CLEC16A: variants seen among roughly 807,000 people sequenced by gnomAD.
CLEC16A encodes the protein protein CLEC16A.
Under a neutral mutation model 109.5 loss-of-function variants are expected in CLEC16A, and 51 were observed. The ratio of observed to expected loss-of-function variants is 0.47; its 90% CI spans 0.37 to 0.59. CLEC16A has a LOEUF of 0.59. Among genes scored for constraint, CLEC16A ranks in the 20% least tolerant of loss-of-function variants. The pLI is 0.00. For missense variants in CLEC16A, 1,339 were observed against 1,394.0 expected (o/e 0.96, Z 0.63); for synonymous variants, 673 against 564.2 (o/e 1.19, Z -2.73).
intron 23 of CLEC16A, among the ~76,000 whole-genome samples, chr16:11,170,220 A>C (rs1301187068): frequency 6.6e-6 from 1 of 152,184 alleles, no homozygotes; most frequent in Non-Finnish European, 1.5e-5. Flanking sequence ...CTAGGGCCCA[A>C]GTGAAAAGTC....
At chr16:11,126,830 G>A (rs1189714430) in intron 22 of CLEC16A, 3 of 152,334 alleles carry the variant, frequency 2.0e-5, no homozygotes, top group African/African-American at 4.8e-5. Context: ...AAAGTTTAGA[G>A]CGCTGGCCAA....
In CLEC16A at chr16:11,073,566, G is replaced by A. The variant is rs79848180; in HGVS notation, c.2116+12544G>A. ...TTGTAAACTCTCAGATCCTCGCAGT[G>A]CAGCGGCCCAAGCTACCCACGACAC... is the stretch of plus-strand genomic sequence containing the variant. On this transcript the variant is annotated intron_variant, in intron 19 of 23. Coordinates refer to ENST00000409790, the MANE Select transcript of CLEC16A (RefSeq NM_015226.3). 4.1e-4 allele frequency among the ~76,000 whole-genome samples: 62 copies of A among 152,210 alleles called. 3 individuals carry two copies. The East Asian group carries it at 0.011, about 28-fold the overall frequency.
chr16:11,123,645 T>G, intron 20 of CLEC16A, 97 bp from the exon 21 acceptor site: 1 of 1,153,730 alleles, frequency 8.7e-7, no homozygotes, highest in Non-Finnish European at 1.3e-6. Context: ...GAGATGAATT[T>G]GGAGACCTCT....
chr16:11,106,387 C>T (rs1350328255), intron 19 of CLEC16A, among the ~76,000 whole-genome samples: 1 of 151,682 alleles, frequency 6.6e-6, no homozygotes, highest in South Asian at 2.1e-4. Context: ...CTCCTGGGCC[C>T]GAGTGAGCTT....
At chr16:10,991,288 G>T (rs1246476065) in intron 10 of CLEC16A, among the ~76,000 whole-genome samples, 1 of 151,992 alleles carries the variant, frequency 6.6e-6, no homozygotes, top group African/African-American at 2.4e-5. Context: ...GGAAGCAAGA[G>T]AGTGAGTCAT....
At chr16:11,157,172 G>T in intron 22 of CLEC16A, 11 of 1,266,434 alleles carry the variant, frequency 8.7e-6, no homozygotes, top group Non-Finnish European at 1.1e-5. Context: ...ATTTTTGTAT[G>T]TTGGACATGT....
At chr16:11,065,350 C>G (rs2048704000) in intron 19 of CLEC16A, among the ~76,000 whole-genome samples, 1 of 152,308 alleles carries the variant, frequency 6.6e-6, no homozygotes, top group Non-Finnish European at 1.5e-5. Flanking sequence ...CATGTGGGCA[C>G]CTAACATTCA....
rs74163621 is a variant in CLEC16A at position 11,051,614 on chromosome 16, G to A, written c.1968G>A (p.Pro656=). Residue 656 remains proline, a synonymous_variant, in exon 18 of 24, where the codon CCG becomes CCA. Coordinates refer to ENST00000409790, the MANE Select transcript of CLEC16A (RefSeq NM_015226.3). ...LTGIDFVKRL[P]CGDVEKTRRA... ...GCATTGACTTCGTGAAGCGGCTGCC[G>A]TGTGGCGATGTGGAGAAGACCCGGC... 5.2e-4 allele frequency: 836 copies of A among 1,614,038 alleles called. 1 individual carries two copies. The highest frequency in any genetic ancestry group is 6.6e-4 in the Middle Eastern group (4 of 6,062).
chr16:11,009,355 G>C (rs1218351313), intron 11 of CLEC16A, among the ~76,000 whole-genome samples: 1 of 152,108 alleles, frequency 6.6e-6, no homozygotes, highest in Non-Finnish European at 1.5e-5. Flanking sequence ...ATGGACACTT[G>C]GATTGCTTCC....
intron 7 of CLEC16A, among the ~76,000 whole-genome samples, chr16:10,975,031 G>T (rs1389346238): frequency 6.6e-6 from 1 of 152,172 alleles, no homozygotes; most frequent in Non-Finnish European, 1.5e-5. Context: ...ACAAGTAACT[G>T]CCTCTGGACA....
chr16:11,106,661 T>C (rs1409652555), intron 19 of CLEC16A, among the ~76,000 whole-genome samples: 1 of 152,086 alleles, frequency 6.6e-6, no homozygotes, highest in Non-Finnish European at 1.5e-5. Flanking sequence ...CTCTTCTTTT[T>C]TTTTTTAAGA....
chr16:11,045,303 G>A (rs1451998494), intron 16 of CLEC16A, among the ~76,000 whole-genome samples: 15 of 152,082 alleles, frequency 9.9e-5, no homozygotes, highest in South Asian at 2.1e-4. Flanking sequence ...AGCTGAGATC[G>A]CGCCACTGCA....
chr16:11,146,078 G>A (rs1022646192), intron 22 of CLEC16A, among the ~76,000 whole-genome samples: 3 of 152,090 alleles, frequency 2.0e-5, no homozygotes, highest in African/African-American at 2.4e-5. Context: ...TGGAGAAGTC[G>A]CCCTGGGTAC....
chr16:11,075,394 G>GTC (rs1567282233), intron 19 of CLEC16A, among the ~76,000 whole-genome samples: 3 of 132,170 alleles, frequency 2.3e-5, no homozygotes. Flanking sequence ...GTGTGTGTGT[G>GTC]TGTGTGTGTG....
intron 11 of CLEC16A, among the ~76,000 whole-genome samples, chr16:11,011,534 C>T (rs2045412439): frequency 6.6e-6 from 1 of 152,104 alleles, no homozygotes; most frequent in Non-Finnish European, 1.5e-5. Context: ...ACATGGTGTT[C>T]TGTGTTCATC....
At chr16:11,165,946 C>T (rs1230614713) in intron 22 of CLEC16A, among the ~76,000 whole-genome samples, 1 of 152,182 alleles carries the variant, frequency 6.6e-6, no homozygotes, top group African/African-American at 2.4e-5. Flanking sequence ...GACTTCAGAG[C>T]GTGGGTCCCC....
intron 13 of CLEC16A, among the ~76,000 whole-genome samples, chr16:11,030,509 A>C (rs2046678591): frequency 6.6e-6 from 1 of 152,182 alleles, no homozygotes. Flanking sequence ...GCATATCCCT[A>C]ATGACATTGA....
intron 22 of CLEC16A, chr16:11,157,222 C>A: frequency 8.2e-7 from 1 of 1,226,006 alleles, no homozygotes; most frequent in Non-Finnish European, 1.1e-6. Flanking sequence ...AGTATTTAAG[C>A]GTTGTGAGGT....
chr16:11,050,267 G>A (rs1002228873), intron 17 of CLEC16A, among the ~76,000 whole-genome samples: 1 of 152,182 alleles, frequency 6.6e-6, no homozygotes, highest in Non-Finnish European at 1.5e-5. Flanking sequence ...ATCCCGTCTT[G>A]TTAGGCCCTA....
Sources: gnomAD v4.1 joint callset for allele counts (sites outside exome capture counted in the v4.1 genomes callset) on GRCh38, gnomAD v4.1.1 for gene constraint, MANE v1.5 for transcripts, NCBI Gene and HGNC (gene_info 2026-07-23, HGNC 2026-07-21) for gene names.